The following CFDP1 variants were observed in gnomAD, a reference collection of about 807,000 sequenced individuals.
The protein encoded by CFDP1 is chromatin remodeling protein CFDP1, also known as heterochromatin-stabilizing protein CFDP1.
In CFDP1, 31 loss-of-function variants were observed where a neutral mutation model predicts 40.1. The ratio of observed to expected loss-of-function variants is 0.77; its 90% CI spans 0.58 to 1.04. The LOEUF (loss-of-function observed/expected upper bound fraction) is 1.04, where lower values mean the gene tolerates loss of function less well. CFDP1 is among the 50% of genes least tolerant of loss of function. The pLI, the probability that CFDP1 is intolerant of heterozygous loss-of-function variation, is 0.00. For missense variants in CFDP1, 423 were observed against 343.4 expected (o/e 1.23, Z -1.83); for synonymous variants, 167 against 120.0 (o/e 1.39, Z -2.56).
chr16:75,397,114 C>T (rs140598783), intron 4 of CFDP1, among the ~76,000 whole-genome samples: 9,576 of 151,818 alleles, frequency 0.063, 983 homozygotes, highest in African/African-American at 0.22. Context: ...TGGGGTTTCA[C>T]CGTGTTAGCC....
At chr16:75,303,391 A>G (rs1323317464) in intron 6 of CFDP1, among the ~76,000 whole-genome samples, 2,058 of 66,410 alleles carry the variant, frequency 0.031, 40 homozygotes, top group African/African-American at 0.07. Flanking sequence ...ATAAATAAAT[A>G]AATAAATAAA....
At chr16:75,369,168 A>C (rs2078735442) in intron 5 of CFDP1, among the ~76,000 whole-genome samples, 1 of 152,174 alleles carries the variant, frequency 6.6e-6, no homozygotes, top group African/African-American at 2.4e-5. Flanking sequence ...TCCTCTCCTC[A>C]GTATAGTTTT....
intron 1 of CFDP1, among the ~76,000 whole-genome samples, chr16:75,417,181 A>G (rs2079216576): frequency 6.6e-6 from 1 of 152,174 alleles, no homozygotes; most frequent in Non-Finnish European, 1.5e-5. Context: ...AAACAAAAAC[A>G]AAAACAAATA....
chr16:75,303,274 G>A (rs974845360), intron 6 of CFDP1, among the ~76,000 whole-genome samples: 4 of 151,952 alleles, frequency 2.6e-5, no homozygotes, highest in East Asian at 1.9e-4. Flanking sequence ...GCTGAGGCAG[G>A]AGAATCGCTT....
chr16:75,315,331 CAAAAAAAAAAAAAA>C (rs758174791), intron 5 of CFDP1, among the ~76,000 whole-genome samples: 2 of 47,796 alleles, frequency 4.2e-5, no homozygotes, highest in Non-Finnish European at 6.8e-5. Context: ...GACCCTATCT[CAAAAAAAAAAAAAA>C]AAAAAAAAAA....
At chr16:75,294,245 T>A (rs901043962) in intron 6 of CFDP1, among the ~76,000 whole-genome samples, 2 of 152,178 alleles carry the variant, frequency 1.3e-5, no homozygotes, top group Non-Finnish European at 2.9e-5. Context: ...AGCTTATCAA[T>A]GAGAAAGTAT....
intron 1 of CFDP1, among the ~76,000 whole-genome samples, chr16:75,428,616 C>A (rs1034750746): frequency 1.5e-5 from 2 of 132,792 alleles, no homozygotes; most frequent in Admixed American, 8.5e-5. Context: ...TACTCCATCT[C>A]AAAAATAAAT....
At chr16:75,309,563 G>T (rs952176057) in intron 5 of CFDP1, among the ~76,000 whole-genome samples, 1 of 151,944 alleles carries the variant, frequency 6.6e-6, no homozygotes, top group African/African-American at 2.4e-5. Flanking sequence ...GCTCATGCCT[G>T]TAATCCCAGC....
intron 5 of CFDP1, among the ~76,000 whole-genome samples, chr16:75,320,855 C>A (rs1431737007): frequency 4.6e-5 from 7 of 152,204 alleles, no homozygotes; most frequent in Non-Finnish European, 1.0e-4. Flanking sequence ...TGAGTCACAC[C>A]AAGGAATAGT....
At chr16:75,328,360 G>A (rs1299048676) in intron 5 of CFDP1, among the ~76,000 whole-genome samples, 1 of 149,850 alleles carries the variant, frequency 6.7e-6, no homozygotes, top group Admixed American at 6.6e-5. Context: ...CGAGGCAGGT[G>A]GATCACCTGA....
intron 4 of CFDP1, among the ~76,000 whole-genome samples, chr16:75,404,692 G>C (rs2079084072): frequency 6.6e-6 from 1 of 151,246 alleles, no homozygotes; most frequent in African/African-American, 2.4e-5. Context: ...AATACAAATG[G>C]CCTGGACTCT....
Position 75,395,209 on chromosome 16 carries a change from C to T in CFDP1, c.531G>A (p.Arg177=), listed in dbSNP as rs1172047737. ...ATGTAGCATCCACTTCCTTAGTTACCCTGTGCCAAGGAAAAAGACATCAAG... is the reference window on the plus strand; with the variant it reads ...ATGTAGCATCCACTTCCTTAGTTACTCTGTGCCAAGGAAAAAGACATCAAG... ...KVFDFAGEEV[R]VTKEVDATSK... Residue 177 remains arginine (R), a splice_region_variant and synonymous_variant, in exon 5 of 7, where the codon AGG becomes AGA. Transcript: ENST00000283882. The T allele has an allele frequency of 8.1e-6, 13 of 1,612,714 alleles. No homozygotes were observed. The highest frequency in any genetic ancestry group is 1.1e-5 in the Non-Finnish European group (13 of 1,179,318).
chr16:75,385,007 T>G (rs2078883518), intron 5 of CFDP1, among the ~76,000 whole-genome samples: 1 of 151,364 alleles, frequency 6.6e-6, no homozygotes, highest in South Asian at 2.1e-4. Context: ...CCCTGATCAT[T>G]GATTTTAACT....
chr16:75,358,703 C>T (rs1482739703), intron 5 of CFDP1, among the ~76,000 whole-genome samples: 1 of 152,142 alleles, frequency 6.6e-6, no homozygotes, highest in East Asian at 1.9e-4. Context: ...ATTCGACAGA[C>T]ATTTTCTCTT....
At chr16:75,389,602 G>C (rs1597375289) in intron 5 of CFDP1, among the ~76,000 whole-genome samples, 1 of 152,264 alleles carries the variant, frequency 6.6e-6, no homozygotes. Context: ...TCTGTTTAGA[G>C]AGAGGAAAAT....
intron 5 of CFDP1, among the ~76,000 whole-genome samples, chr16:75,336,014 G>A (rs1181063479): frequency 6.6e-6 from 1 of 152,130 alleles, no homozygotes; most frequent in African/African-American, 2.4e-5. Flanking sequence ...AGAAGGGGAT[G>A]AAAATAATCT....
chr16:75,368,220 T>C lies in CFDP1; in HGVS notation c.650+26870A>G, dbSNP rs191820629. Reference sequence around the variant, plus strand: ...CAATTAAGGAAATATGAACACTGACTAAATACTGGATATCAAGAAATTATT... The same window carrying C: ...CAATTAAGGAAATATGAACACTGACCAAATACTGGATATCAAGAAATTATT... On this transcript the variant is annotated intron_variant, in intron 5 of 6. Transcript: ENST00000283882. Among the ~76,000 whole-genome samples the C allele has an allele frequency of 9.0e-4, 137 of 152,340 alleles. 1 individual carries two copies. The highest frequency in any genetic ancestry group is 2.7e-3 in the Admixed American group (42 of 15,302).
At chr16:75,319,306 T>G (rs2078346350) in intron 5 of CFDP1, among the ~76,000 whole-genome samples, 1 of 152,088 alleles carries the variant, frequency 6.6e-6, no homozygotes, top group South Asian at 2.1e-4. Flanking sequence ...CCTCCCAAAG[T>G]GCTGGGATTA....
chr16:75,343,365 T>A (rs1339614270), intron 5 of CFDP1, among the ~76,000 whole-genome samples: 1 of 152,118 alleles, frequency 6.6e-6, no homozygotes, highest in Non-Finnish European at 1.5e-5. Flanking sequence ...CTCTGAGCAG[T>A]CCTCAAGGAG....
Sources: gnomAD v4.1 joint callset for allele counts (sites outside exome capture counted in the v4.1 genomes callset) on GRCh38, gnomAD v4.1.1 for gene constraint, MANE v1.5 for transcripts, NCBI Gene and HGNC (gene_info 2026-07-23, HGNC 2026-07-21) for gene names.